KCNIP4: variants seen among roughly 807,000 people sequenced by gnomAD.
The protein encoded by KCNIP4 is Kv channel-interacting protein 4.
In KCNIP4, 12 loss-of-function variants were observed where a neutral mutation model predicts 34.0. The observed-to-expected ratio is 0.35, with a 90% CI of 0.23 to 0.57. The LOEUF (loss-of-function observed/expected upper bound fraction) is 0.57. Ranked by LOEUF, KCNIP4 falls within the 20% of genes least tolerant of loss-of-function variation. The pLI, the probability that KCNIP4 is intolerant of heterozygous loss-of-function variation, is 0.83. For synonymous variants in KCNIP4, 124 were observed against 102.2 expected (o/e 1.21, Z -1.29); for missense variants, 238 against 311.7 (o/e 0.76, Z 1.78).
chr4:20,957,884 G>T (rs1413783339), intron 1 of KCNIP4, among the ~76,000 whole-genome samples: 1 of 152,080 alleles, frequency 6.6e-6, no homozygotes, highest in Non-Finnish European at 1.5e-5. Flanking sequence ...TCTTCTCATG[G>T]TATTCTCTGC....
chr4:21,605,549 C>T (rs1420783591), intron 1 of KCNIP4, among the ~76,000 whole-genome samples: 5 of 152,138 alleles, frequency 3.3e-5, no homozygotes, highest in African/African-American at 7.2e-5. Flanking sequence ...GGCGTGATCT[C>T]GGCTCATTGC....
At chr4:21,136,930 T>C (rs1751541920) in intron 1 of KCNIP4, among the ~76,000 whole-genome samples, 1 of 152,164 alleles carries the variant, frequency 6.6e-6, no homozygotes, top group African/African-American at 2.4e-5. Flanking sequence ...TTTATGATGC[T>C]ATACAAGCTC....
At chr4:20,999,197 T>C (rs1737836493) in intron 1 of KCNIP4, among the ~76,000 whole-genome samples, 1 of 152,116 alleles carries the variant, frequency 6.6e-6, no homozygotes, top group Non-Finnish European at 1.5e-5. Flanking sequence ...AACAGTGGTT[T>C]CAACAGCTTG....
intron 1 of KCNIP4, among the ~76,000 whole-genome samples, chr4:21,347,567 C>T (rs776167439): frequency 7.9e-5 from 12 of 152,202 alleles, no homozygotes; most frequent in Admixed American, 2.0e-4. Context: ...TGAGAGCAAA[C>T]TGGCAAAGGA....
At chr4:21,632,893 T>C (rs561815701) in intron 1 of KCNIP4, among the ~76,000 whole-genome samples, 1 of 152,260 alleles carries the variant, frequency 6.6e-6, no homozygotes, top group African/African-American at 2.4e-5. Flanking sequence ...ATTCCATCCC[T>C]CTGGATGCCC....
chr4:21,613,475 A>C (rs886629430), intron 1 of KCNIP4: 2 of 152,172 alleles, frequency 1.3e-5, no homozygotes, highest in African/African-American at 4.8e-5. Flanking sequence ...GACTCTCTAA[A>C]GCCTTTACAT....
intron 1 of KCNIP4, among the ~76,000 whole-genome samples, chr4:21,063,304 C>T (rs1406360110): frequency 6.6e-6 from 1 of 152,152 alleles, no homozygotes; most frequent in African/African-American, 2.4e-5. Context: ...ACAGGTTACA[C>T]CATCTATTCT....
At chr4:21,739,050 G>A (rs910559397) in intron 1 of KCNIP4, among the ~76,000 whole-genome samples, 1 of 152,134 alleles carries the variant, frequency 6.6e-6, no homozygotes, top group Non-Finnish European at 1.5e-5. Context: ...AATTATCTTA[G>A]ACAATACAGA....
chr4:21,327,118 A>G (rs1302856160), intron 1 of KCNIP4, among the ~76,000 whole-genome samples: 1 of 151,954 alleles, frequency 6.6e-6, no homozygotes, highest in Non-Finnish European at 1.5e-5. Context: ...TGTTCTTAAT[A>G]TGTTTTTCTG....
At chr4:21,182,876 G>A (rs1225432141) in intron 1 of KCNIP4, among the ~76,000 whole-genome samples, 1 of 151,966 alleles carries the variant, frequency 6.6e-6, no homozygotes. Context: ...TTTGTACTGA[G>A]AACATTAAAA....
chr4:21,681,724 C>A (rs1750371141), intron 1 of KCNIP4, among the ~76,000 whole-genome samples: 1 of 152,116 alleles, frequency 6.6e-6, no homozygotes, highest in Non-Finnish European at 1.5e-5. Flanking sequence ...TTCATTGGCT[C>A]ACCGTTCTGC....
At chr4:21,925,468 T>C (rs536642492) in intron 1 of KCNIP4, among the ~76,000 whole-genome samples, 1 of 152,316 alleles carries the variant, frequency 6.6e-6, no homozygotes, top group East Asian at 1.9e-4. Context: ...CACATTTTCT[T>C]AATCCAGTCT....
intron 1 of KCNIP4, among the ~76,000 whole-genome samples, chr4:21,774,591 G>C (rs1719046484): frequency 6.6e-6 from 1 of 152,116 alleles, no homozygotes; most frequent in African/African-American, 2.4e-5. Flanking sequence ...CGTAGGTTTT[G>C]TCTTTTTACA....
chr4:21,935,092 A>C (rs1729781674), intron 1 of KCNIP4, among the ~76,000 whole-genome samples: 1 of 152,004 alleles, frequency 6.6e-6, no homozygotes, highest in African/African-American at 2.4e-5. Flanking sequence ...GCCTAGGTGC[A>C]TGTCCTTGAC....
chr4:21,404,401 A>T (rs186414930), intron 1 of KCNIP4, among the ~76,000 whole-genome samples: 55 of 152,280 alleles, frequency 3.6e-4, no homozygotes, highest in Non-Finnish European at 5.7e-4. Context: ...CTTAGTAAAT[A>T]TCTATGGTTG....
intron 1 of KCNIP4, among the ~76,000 whole-genome samples, chr4:21,207,843 CT>C (rs531286039): frequency 1.2e-3 from 135 of 115,098 alleles, no homozygotes; most frequent in East Asian, 4.1e-3. Flanking sequence ...TTTTCTTTTT[CT>C]TTTTTTTTTT....
intron 1 of KCNIP4, among the ~76,000 whole-genome samples, chr4:21,857,501 G>T (rs1175019274): frequency 6.6e-6 from 1 of 152,110 alleles, no homozygotes; most frequent in Non-Finnish European, 1.5e-5. Flanking sequence ...ACCCACCAGG[G>T]TTTTCTCTCT....
chr4:21,570,096 A>G (rs766588328), intron 1 of KCNIP4, among the ~76,000 whole-genome samples: 3 of 152,086 alleles, frequency 2.0e-5, no homozygotes, highest in Non-Finnish European at 2.9e-5. Flanking sequence ...TCAGAAAAGA[A>G]TCCTTCTTCC....
intron 1 of KCNIP4, among the ~76,000 whole-genome samples, chr4:20,998,234 A>G (rs1455937526): frequency 6.6e-6 from 1 of 152,186 alleles, no homozygotes; most frequent in African/African-American, 2.4e-5. Context: ...GTAATGTTTC[A>G]TGGGAGTCAA....
Sources: allele counts gnomAD v4.1 joint callset (sites outside exome capture counted in the v4.1 genomes callset), GRCh38; gene constraint gnomAD v4.1.1; transcripts MANE v1.5; gene names NCBI Gene and HGNC (gene_info 2026-07-23, HGNC 2026-07-21).